Variants in KIF14 observed in about 807,000 individuals in gnomAD.
KIF14 encodes the protein kinesin-like protein KIF14.
Under a neutral mutation model 176.2 loss-of-function variants are expected in KIF14, and 98 were observed. That is an observed-to-expected ratio of 0.56 (90% confidence interval 0.47 to 0.66). The LOEUF (loss-of-function observed/expected upper bound fraction) is 0.66, where lower values mean the gene tolerates loss of function less well. Among genes scored for constraint, KIF14 ranks in the 30% least tolerant of loss-of-function variants. The pLI is 0.00. For synonymous variants in KIF14, 566 were observed against 632.2 expected (o/e 0.90, Z 1.57); for missense variants, 1,751 against 1,920.4 (o/e 0.91, Z 1.65).
intron 3 of KIF14, among the ~76,000 whole-genome samples, chr1:200,614,638 C>G (rs931793678): frequency 6.6e-6 from 1 of 151,836 alleles, no homozygotes; most frequent in African/African-American, 2.4e-5. Flanking sequence ...CTATCTAATT[C>G]AGAGAATTGT....
At chr1:200,575,337 C>T (rs904367703) in intron 22 of KIF14, among the ~76,000 whole-genome samples, 4 of 152,018 alleles carry the variant, frequency 2.6e-5, no homozygotes, top group South Asian at 2.1e-4. Flanking sequence ...GCTCTTAAGA[C>T]TTATATGATG....
chr1:200,567,186 C>A (rs1327491530), intron 23 of KIF14, among the ~76,000 whole-genome samples: 3 of 125,712 alleles, frequency 2.4e-5, no homozygotes, highest in African/African-American at 5.8e-5. Flanking sequence ...AAAAAAAAAA[C>A]CATAATGTCT....
intron 18 of KIF14, among the ~76,000 whole-genome samples, chr1:200,587,498 A>G (rs1361453089): frequency 6.6e-6 from 1 of 152,064 alleles, no homozygotes; most frequent in Non-Finnish European, 1.5e-5. Context: ...TAGTACAAAT[A>G]AGCATTATAA....
rs41269919 is a variant in KIF14, at chr1:200,605,925, A to G, written c.1608-31T>C. The G allele has an allele frequency of 1.7e-3, 2,174 of 1,309,718 alleles. 5 individuals carry two copies. Among genetic ancestry groups the G allele is most frequent in the African/African-American group, 7.4e-3 (487 of 65,832 alleles). 81.1% of individuals were successfully genotyped at this position (1,309,718 alleles called of 1,614,324 possible). A position where few individuals can be genotyped will look rare whatever the true frequency, so the allele number is the denominator to read the frequency against. On this transcript the variant is annotated intron_variant, in intron 6 of 29. Transcript: ENST00000367350. The stretch of plus-strand genomic sequence containing the variant: ...TTTAAGAAGTGAAAAGACAAAATCA[A>G]TTTTACTGATGATTATACTCTTGTT...
chr1:200,615,470 C>T lies in KIF14; in HGVS notation c.1252G>A (p.Ala418Thr), dbSNP rs749888555. 4 of 1,614,036 alleles carry T rather than the reference C, an allele frequency of 2.5e-6. No individual in the cohort carries two copies. Among genetic ancestry groups the T allele is most frequent in the East Asian group, 2.2e-5 (1 of 44,878 alleles). The change falls in exon 3 of 30, where the codon GCT becomes ACT. Residue 418 changes from alanine (A) to threonine (T), a missense_variant. By Grantham distance (58) the Ala-to-Thr change is moderately conservative. Transcript: ENST00000367350. Reference protein sequence around the residue: ...WSFDECHPHYASQTTVYEKLA... With the variant: ...WSFDECHPHYTSQTTVYEKLA... ...TTCTCATAGACAGTTGTCTGGCTAGCGTAGTGAGGATGACATTCATCAAAA... is the reference window on the plus strand; with the variant it reads ...TTCTCATAGACAGTTGTCTGGCTAGTGTAGTGAGGATGACATTCATCAAAA...
chr1:200,557,779 A>G (rs1302488801), intron 27 of KIF14, among the ~76,000 whole-genome samples: 1 of 152,186 alleles, frequency 6.6e-6, no homozygotes. Context: ...CCCAGAAACA[A>G]CCACCCAGAG....
At chr1:200,612,881 C>CTTTTTTTTTTTTTTTTTTT (rs58120760) in intron 4 of KIF14, among the ~76,000 whole-genome samples, 1 of 79,100 alleles carries the variant, frequency 1.3e-5, no homozygotes, top group Admixed American at 1.7e-4. Context: ...AGTTTATTCT[C>CTTTTTTTTTTTTTTTTTTT]TTTTTTTTTT....
intron 4 of KIF14, 68 bp from the exon 5 acceptor site, chr1:200,608,996 A>C (rs1324547237): frequency 2.5e-6 from 2 of 786,568 alleles, no homozygotes; most frequent in Non-Finnish European, 4.2e-6. Flanking sequence ...GTGGTTAGGA[A>C]CTAGTATCCA....
In KIF14 at chr1:200,603,212, C is replaced by T. The variant is rs780721368; in HGVS notation, c.1979+14G>A. 2.8e-6 allele frequency: 4 copies of T among 1,447,560 alleles called. No individual in the cohort carries two copies. In the South Asian group the frequency reaches 4.7e-5, roughly 17 times the overall value. The allele number at this position is 1,447,560 out of a possible 1,614,324, so 89.7% of individuals were successfully genotyped here. ...ATATTTTATACAATTCTTTATACTT[C>T]AAAAGATACTTGCCATGTAAGAACA... On this transcript the variant is annotated intron_variant, in intron 10 of 29. Transcript: ENST00000367350.
In KIF14 at chr1:200,617,945, C is replaced by G; in HGVS notation, c.779G>C (p.Gly260Ala). ...GTGNLYHRSIGKEIAKTSNKF... is the reference protein window; with the variant it reads ...GTGNLYHRSIAKEIAKTSNKF... ...ATTTGAAGTTTTTGCAATTTCCTTCCCAATACTTCTATGATACAAGTTTCC... is the reference window on the plus strand; with the variant it reads ...ATTTGAAGTTTTTGCAATTTCCTTCGCAATACTTCTATGATACAAGTTTCC... Residue 260 changes from glycine (G) to alanine (A), a missense_variant, in exon 2 of 30, where the codon GGG becomes GCG. Gly to Ala is a moderately conservative substitution (Grantham distance 60). Coordinates refer to ENST00000367350, the MANE Select transcript of KIF14 (RefSeq NM_014875.3). 1 of 1,613,846 alleles carries G rather than the reference C, an allele frequency of 6.2e-7. No individual in the cohort carries two copies. Among genetic ancestry groups the G allele is most frequent in the East Asian group, 2.2e-5 (1 of 44,876 alleles).
chr1:200,566,743 C>T (rs999685846), intron 23 of KIF14, among the ~76,000 whole-genome samples: 1 of 152,024 alleles, frequency 6.6e-6, no homozygotes, highest in African/African-American at 2.4e-5. Context: ...GGTGGGACAA[C>T]AAGCATGTAC....
chr1:200,552,653 G>A lies in KIF14; in HGVS notation c.*735C>T, dbSNP rs940872160. 1.3e-5 allele frequency: 2 copies of A among 151,958 alleles called. No individual in the cohort carries two copies. Among genetic ancestry groups the A allele is most frequent in the African/African-American group, 4.8e-5 (2 of 41,370 alleles). 9.4% of individuals were successfully genotyped at this position (151,958 alleles called of 1,614,324 possible). On this transcript the variant is annotated 3_prime_UTR_variant, in exon 30 of 30. Transcript: ENST00000367350. ...GAAAGAAACAGGAAGCTACACCCTT[G>A]AACATACTATTCAAAATGGCAACCA...
chr1:200,566,603 A>AG (rs1289113455), intron 23 of KIF14, among the ~76,000 whole-genome samples: 1 of 150,550 alleles, frequency 6.6e-6, no homozygotes, highest in Non-Finnish European at 1.5e-5. Flanking sequence ...AAAAAAAAAA[A>AG]AGAGAGACAG....
Position 200,618,397 on chromosome 1 carries a change from G to A in KIF14, c.327C>T (p.Asp109=), listed in dbSNP as rs1169394259. 1 of 1,613,944 alleles carries A rather than the reference G, an allele frequency of 6.2e-7. No homozygotes were observed. The highest frequency in any genetic ancestry group is 1.3e-5 in the African/African-American group (1 of 74,890). ...ESSLLVSELE[D]TTEKTAETRL... ...GTGTTTCTGCTGTTTTTTCAGTTGTGTCTTCCAACTCACTAACAAGCAAAG... is the reference window on the plus strand; with the variant it reads ...GTGTTTCTGCTGTTTTTTCAGTTGTATCTTCCAACTCACTAACAAGCAAAG... Residue 109 remains aspartate (D), a synonymous_variant, in exon 2 of 30, where the codon GAC becomes GAT. Coordinates refer to ENST00000367350, the MANE Select transcript of KIF14 (RefSeq NM_014875.3).
intron 14 of KIF14, among the ~76,000 whole-genome samples, chr1:200,596,308 A>C (rs1180615778): frequency 1.3e-5 from 2 of 152,184 alleles, no homozygotes; most frequent in Admixed American, 1.3e-4. Context: ...ATGGGGTATT[A>C]GTAGGAAGAA....
intron 19 of KIF14, among the ~76,000 whole-genome samples, chr1:200,585,072 A>T (rs1227888955): frequency 3.3e-5 from 5 of 152,222 alleles, no homozygotes; most frequent in Non-Finnish European, 7.3e-5. Flanking sequence ...GATGGTTACC[A>T]GGAAATACAG....
Position 200,589,217 on chromosome 1 carries a change from C to T in KIF14, c.3114G>A (p.Gln1038=). The part of the protein sequence containing the change: ...RLEMETLATK[Q]ALEDHSIRHA... ...TTAACTGGTTACACAATAAAATTAC[C>T]TGTTTTGTAGCCAATGTTTCCATTT... is the stretch of plus-strand genomic sequence containing the variant. Residue 1038 remains glutamine, a splice_region_variant and synonymous_variant, in exon 18 of 30, where the codon CAG becomes CAA. Coordinates refer to ENST00000367350, the MANE Select transcript of KIF14 (RefSeq NM_014875.3). The T allele has an allele frequency of 6.3e-7, 1 of 1,592,652 alleles. No individual in the cohort carries two copies. Among genetic ancestry groups the T allele is most frequent in the Non-Finnish European group, 8.5e-7 (1 of 1,170,612 alleles).
At chr1:200,556,358 C>A (rs1218423109) in intron 27 of KIF14, among the ~76,000 whole-genome samples, 2 of 152,162 alleles carry the variant, frequency 1.3e-5, no homozygotes, top group Non-Finnish European at 2.9e-5. Flanking sequence ...TCCTTCCTGA[C>A]TCCAGCTTTA....
At chr1:200,563,483 G>A (rs1218087719) in intron 25 of KIF14, among the ~76,000 whole-genome samples, 1 of 151,944 alleles carries the variant, frequency 6.6e-6, no homozygotes. Flanking sequence ...TCCCACCTCA[G>A]CCTCCCAAGT....
Sources: allele counts gnomAD v4.1 joint callset (sites outside exome capture counted in the v4.1 genomes callset), GRCh38; gene constraint gnomAD v4.1.1; transcripts MANE v1.5; gene names NCBI Gene and HGNC (gene_info 2026-07-23, HGNC 2026-07-21).